The following PIK3R2 variants were observed in gnomAD, a reference collection of about 807,000 sequenced individuals.
PIK3R2 encodes phosphoinositide-3-kinase regulatory subunit 2, also known as phosphatidylinositol 3-kinase regulatory subunit beta.
In PIK3R2, 40 loss-of-function variants were observed where a neutral mutation model predicts 78.5. The observed-to-expected ratio is 0.51, with a 90% CI of 0.40 to 0.66. PIK3R2 has a LOEUF of 0.66. Ranked by LOEUF, PIK3R2 falls within the 30% of genes least tolerant of loss-of-function variation. PIK3R2 has a pLI of 0.00. For synonymous variants in PIK3R2, 473 were observed against 457.7 expected (o/e 1.03, Z -0.43); for missense variants, 880 against 1,026.6 (o/e 0.86, Z 1.95).
rs569880419 is a variant in PIK3R2 at position 18,156,490 on chromosome 19, A to G, written c.322+289A>G. 9.2e-4 allele frequency among the ~76,000 whole-genome samples: 140 copies of G among 152,290 alleles called. No homozygotes were observed. The highest frequency in any genetic ancestry group is 3.2e-3 in the African/African-American group (134 of 41,572). On this transcript the variant is annotated intron_variant, in intron 2 of 15. Transcript: ENST00000222254. This position sits in a 1 kb window ranked among gnomAD's most constrained non-coding sequence, Gnocchi z 4.2. Reference sequence around the variant, plus strand: ...GGTGGAAGCTCAAGGCAGTGGGGGCAGCGAGGGCAGAGGCTGTGGAGTAGA... The same window carrying G: ...GGTGGAAGCTCAAGGCAGTGGGGGCGGCGAGGGCAGAGGCTGTGGAGTAGA...
At position 18,169,510 on chromosome 19, in the gene PIK3R2, T is replaced by C; in HGVS notation, c.*216T>C. 2.9e-6 allele frequency: 1 copy of C among 340,998 alleles called. No individual in the cohort carries two copies. Among genetic ancestry groups the C allele is most frequent in the Non-Finnish European group, 5.3e-6 (1 of 187,946 alleles). The allele number at this position is 340,998 out of a possible 1,614,324, so 21.1% of individuals were successfully genotyped here. On this transcript the variant is annotated 3_prime_UTR_variant, in exon 16 of 16. Coordinates refer to ENST00000222254, the MANE Select transcript of PIK3R2 (RefSeq NM_005027.4). ...CCTTTTCTCTGTCTTTCTTGGCCCC[T>C]GTCTCTCTCCATGTTGGGGGTCCTA...
At position 18,156,567 on chromosome 19, in the gene PIK3R2, G is replaced by T. The variant is rs1047860849; in HGVS notation, c.322+366G>T. Among the ~76,000 whole-genome samples the T allele has an allele frequency of 1.3e-5, 2 of 152,160 alleles. No individual in the cohort carries two copies. The highest frequency in any genetic ancestry group is 2.9e-5 in the Non-Finnish European group (2 of 68,020). ...GAGGACCAGAGGGAGGAAGGGGAGGGCAATGTGCGCTGGCATGGAGGACTT... is the reference window on the plus strand; with the variant it reads ...GAGGACCAGAGGGAGGAAGGGGAGGTCAATGTGCGCTGGCATGGAGGACTT... On this transcript the variant is annotated intron_variant, in intron 2 of 15. Coordinates refer to ENST00000222254, the MANE Select transcript of PIK3R2 (RefSeq NM_005027.4). This position sits in a 1 kb window ranked among gnomAD's most constrained non-coding sequence, Gnocchi z 4.2.
chr19:18,156,237 G>C lies in PIK3R2; in HGVS notation c.322+36G>C, dbSNP rs1395882268. 3 of 1,421,780 alleles carry C rather than the reference G, an allele frequency of 2.1e-6. No homozygotes were observed. The highest frequency in any genetic ancestry group is 2.8e-6 in the Non-Finnish European group (3 of 1,077,200). 88.1% of individuals were successfully genotyped at this position (1,421,780 alleles called of 1,614,324 possible). A position where few individuals can be genotyped will look rare whatever the true frequency, so the allele number is the denominator to read the frequency against. On this transcript the variant is annotated intron_variant, in intron 2 of 15. Transcript: ENST00000222254. This position sits in a 1 kb window ranked among gnomAD's most constrained non-coding sequence, Gnocchi z 4.2. ...AGCAGGGGCCCTGGAAAGGGGGGTG[G>C]TCCCCTCAGACCCTTGGTCTCCTCT...
Position 18,168,857 on chromosome 19 carries a change from G to T in PIK3R2, c.1940G>T (p.Arg647Leu). The T allele has an allele frequency of 6.2e-7, 1 of 1,613,622 alleles. No individual in the cohort carries two copies. Among genetic ancestry groups the T allele is most frequent in the Non-Finnish European group, 8.5e-7 (1 of 1,179,814 alleles). The part of the protein sequence containing the change: ...SGKRDGTFLI[R>L]ESSQRGCYAC... ...AAGCGGGATGGCACCTTCCTCATCC[G>T]CGAGAGCAGCCAGCGGGGCTGCTAC... Residue 647 changes from arginine (R) to leucine (L), a missense_variant, in exon 15 of 16, where the codon CGC (arginine) becomes CTC (leucine). By Grantham distance (102) the Arg-to-Leu change is moderately radical. Around this residue, in one of 3 missense-constraint regions of PIK3R2, gnomAD observed 268 missense variants for 299.1 expected, o/e 0.90. Coordinates refer to ENST00000222254, the MANE Select transcript of PIK3R2 (RefSeq NM_005027.4). The surrounding 1 kb of genome is among the most constrained non-coding windows in gnomAD (Gnocchi z 4.1).
chr19:18,161,047 C>G lies in PIK3R2; in HGVS notation c.467-7C>G, dbSNP rs2043737332. The G allele has an allele frequency of 6.2e-7, 1 of 1,611,166 alleles. No individual in the cohort carries two copies. Among genetic ancestry groups the G allele is most frequent in the South Asian group, 1.1e-5 (1 of 90,642 alleles). ...TGAGTTGGACGTGTGCCCCCCTGCA[C>G]CCGCAGACTGGTCCCTGAGCGACGT... On this transcript the variant is annotated splice_region_variant and splice_polypyrimidine_tract_variant and intron_variant, in intron 4 of 15. Coordinates refer to ENST00000222254, the MANE Select transcript of PIK3R2 (RefSeq NM_005027.4). The surrounding 1 kb of genome is among the most constrained non-coding windows in gnomAD (Gnocchi z 5.3).
Position 18,163,337 on chromosome 19 carries a change from CAA to C in PIK3R2, c.1366_1367del (p.Lys456GlufsTer5). 6.2e-7 allele frequency: 1 copy of C among 1,614,060 alleles called. No individual in the cohort carries two copies. Among genetic ancestry groups the C allele is most frequent in the Non-Finnish European group, 8.5e-7 (1 of 1,179,988 alleles). On this transcript the variant is annotated frameshift_variant, in exon 11 of 16. Transcript: ENST00000222254. LOFTEE classifies it high-confidence loss of function. ...LKVYHQQYQD[K>X]SREYDQLYEE... Reference sequence around the variant, plus strand: ...AGGTCTATCACCAGCAGTACCAGGACAAGAGCCGCGAGTATGACCAGCTTTAT... The same window carrying C: ...AGGTCTATCACCAGCAGTACCAGGACGAGCCGCGAGTATGACCAGCTTTAT...
In PIK3R2 at chr19:18,156,027, T is replaced by C. The variant is rs1599961592; in HGVS notation, c.148T>C (p.Cys50Arg). The C allele has an allele frequency of 3.8e-6, 6 of 1,559,978 alleles. No homozygotes were observed. The highest frequency in any genetic ancestry group is 4.3e-6 in the Non-Finnish European group (5 of 1,152,496). The change falls in exon 2 of 16, where the codon TGC (cysteine) becomes CGC (arginine). Residue 50 changes from cysteine (C) to arginine (R), a missense_variant. By Grantham distance (180) the Cys-to-Arg change is radical. Around this residue, in one of 3 missense-constraint regions of PIK3R2, gnomAD observed 456 missense variants for 486.6 expected, o/e 0.94. Transcript: ENST00000222254. The surrounding 1 kb of genome is among the most constrained non-coding windows in gnomAD (Gnocchi z 4.2). ...GGGCGTGGCCGAGGGTGGCGAGCGCTGCCCACAGAGCGTGGGCTGGATGCC... is the reference window on the plus strand; with the variant it reads ...GGGCGTGGCCGAGGGTGGCGAGCGCCGCCCACAGAGCGTGGGCTGGATGCC... ...ALGVAEGGER[C>R]PQSVGWMPGL...
chr19:18,160,328 C>T lies in PIK3R2; in HGVS notation c.323-143C>T, dbSNP rs550201484. The T allele has an allele frequency of 8.4e-5, 54 of 639,648 alleles. No homozygotes were observed. The East Asian group carries it at 1.2e-3, about 15-fold the overall frequency. The allele number at this position is 639,648 out of a possible 1,614,324, so 39.6% of individuals were successfully genotyped here. Reference sequence around the variant, plus strand: ...CCACCCAAGGTCTTGCAGCCTCCTGCGGATGGGAGTCAAGGTGCCAAGCAC... The same window carrying T: ...CCACCCAAGGTCTTGCAGCCTCCTGTGGATGGGAGTCAAGGTGCCAAGCAC... On this transcript the variant is annotated intron_variant, in intron 2 of 15. Coordinates refer to ENST00000222254, the MANE Select transcript of PIK3R2 (RefSeq NM_005027.4).
In PIK3R2 at chr19:18,169,308, G is replaced by GC; in HGVS notation, c.*18dup. The GC allele has an allele frequency of 7.1e-7, 1 of 1,406,736 alleles. No individual in the cohort carries two copies. The allele number at this position is 1,406,736 out of a possible 1,614,324, so 87.1% of individuals were successfully genotyped here. Reference sequence around the variant, plus strand: ...GCCGCCCGCTGAGCACCGAGGACCCGCCCCAAGCAGAGCCGCCCCTGGGCC... The same window carrying GC: ...GCCGCCCGCTGAGCACCGAGGACCCGCCCCCAAGCAGAGCCGCCCCTGGGCC... On this transcript the variant is annotated 3_prime_UTR_variant, in exon 16 of 16. Transcript: ENST00000222254.
intron 2 of PIK3R2, among the ~76,000 whole-genome samples, chr19:18,160,238 T>G (rs1277356815): frequency 6.6e-6 from 1 of 152,224 alleles, no homozygotes; most frequent in Non-Finnish European, 1.5e-5. Flanking sequence ...TGTGAAGTTG[T>G]GTGAACTCCT....
chr19:18,158,522 A>AAAC (rs1555813837), intron 2 of PIK3R2, among the ~76,000 whole-genome samples: 96 of 150,456 alleles, frequency 6.4e-4, no homozygotes, highest in African/African-American at 2.2e-3. Context: ...ACAACAAAAA[A>AAAC]CGAGGAGGCC....
intron 12 of PIK3R2, among the ~76,000 whole-genome samples, chr19:18,166,874 C>T (rs945230968): frequency 6.6e-6 from 1 of 152,044 alleles, no homozygotes; most frequent in African/African-American, 2.4e-5. Context: ...GTGGCTCATT[C>T]CTGCAACCCC....
At position 18,169,352 on chromosome 19, in the gene PIK3R2, C is replaced by T. The variant is rs2147961162; in HGVS notation, c.*58C>T. 3.7e-6 allele frequency: 4 copies of T among 1,080,352 alleles called. No individual in the cohort carries two copies. The highest frequency in any genetic ancestry group is 7.2e-5 in the East Asian group (2 of 27,682). The allele number at this position is 1,080,352 out of a possible 1,614,324, so 66.9% of individuals were successfully genotyped here. On this transcript the variant is annotated 3_prime_UTR_variant, in exon 16 of 16. Transcript: ENST00000222254. ...CTGGGCCCGTCTGCGCCGGAGGCTGCGGCGGCGGGAGCCACGGACCAGACC... is the reference window on the plus strand; with the variant it reads ...CTGGGCCCGTCTGCGCCGGAGGCTGTGGCGGCGGGAGCCACGGACCAGACC...
chr19:18,161,409 C>T lies in PIK3R2; in HGVS notation c.729C>T (p.Val243=). 8.2e-7 allele frequency: 1 copy of T among 1,215,350 alleles called. No individual in the cohort carries two copies. Among genetic ancestry groups the T allele is most frequent in the Non-Finnish European group, 1.0e-6 (1 of 979,150 alleles). 75.3% of individuals were successfully genotyped at this position (1,215,350 alleles called of 1,614,324 possible). Residue 243 remains valine, a synonymous_variant, in exon 6 of 16, where the codon GTC becomes GTT. Transcript: ENST00000222254. The surrounding 1 kb of genome is among the most constrained non-coding windows in gnomAD (Gnocchi z 5.3). ...GCGCCCCGGCCCTGGGTCCCGCGGT[C>T]CGGGCCCTGGGCGCCACCTTTGGGC... is the stretch of plus-strand genomic sequence containing the variant. ...ASRAPALGPA[V]RALGATFGPL...
chr19:18,154,227 G>A (rs1046287619), intron 1 of PIK3R2, among the ~76,000 whole-genome samples: 1 of 152,076 alleles, frequency 6.6e-6, no homozygotes, highest in Non-Finnish European at 1.5e-5. Flanking sequence ...TGAACCCGCA[G>A]GGCTAGGCTG....
Position 18,161,903 on chromosome 19 carries a change from C to T in PIK3R2, c.816-63C>T, listed in dbSNP as rs2147951361. 2 of 1,358,170 alleles carry T rather than the reference C, an allele frequency of 1.5e-6. No individual in the cohort carries two copies. Among genetic ancestry groups the T allele is most frequent in the Non-Finnish European group, 2.1e-6 (2 of 947,886 alleles). The allele number at this position is 1,358,170 out of a possible 1,614,324, so 84.1% of individuals were successfully genotyped here. The stretch of plus-strand genomic sequence containing the variant: ...CAGGCGTGCAAGCGCACGCACAATC[C>T]TGTGCACATGCGTGGGCGGACAGGC... On this transcript the variant is annotated intron_variant, in intron 6 of 15. Transcript: ENST00000222254. This position sits in a 1 kb window ranked among gnomAD's most constrained non-coding sequence, Gnocchi z 5.3.
rs2147945465 is a variant in PIK3R2 at position 18,156,189 on chromosome 19, GC to G, written c.314del (p.Pro105LeufsTer25). ...RPLPARPRDG[A>X]PEPGLTLPDL... ...ACTGCCCGCCAGGCCCCGTGATGGG[GC>G]CCCTGAGCCAGGTGAGCAGCAAGCA... On this transcript the variant is annotated frameshift_variant, in exon 2 of 16. Coordinates refer to ENST00000222254, the MANE Select transcript of PIK3R2 (RefSeq NM_005027.4). LOFTEE classifies it high-confidence loss of function. This position sits in a 1 kb window ranked among gnomAD's most constrained non-coding sequence, Gnocchi z 4.2. The G allele has an allele frequency of 1.4e-6, 2 of 1,461,360 alleles. No individual in the cohort carries two copies. Among genetic ancestry groups the G allele is most frequent in the Admixed American group, 2.8e-5 (1 of 36,034 alleles). 90.5% of individuals were successfully genotyped at this position (1,461,360 alleles called of 1,614,324 possible).
intron 2 of PIK3R2, among the ~76,000 whole-genome samples, chr19:18,158,600 C>T (rs560113425): frequency 2.0e-5 from 3 of 151,494 alleles, no homozygotes; most frequent in African/African-American, 7.3e-5. Context: ...CCACTGCACT[C>T]CAACCTGGGT....
Position 18,167,037 on chromosome 19 carries a change from G to T in PIK3R2, c.1560-93G>T. ...TGTGGTCCCAGCTACTCGGGAGGCT[G>T]AGGTAGGAGGGTCACCTGAGCCCAG... On this transcript the variant is annotated intron_variant, in intron 12 of 15. Coordinates refer to ENST00000222254, the MANE Select transcript of PIK3R2 (RefSeq NM_005027.4). This position sits in a 1 kb window ranked among gnomAD's most constrained non-coding sequence, Gnocchi z 4.5. 1 of 1,072,534 alleles carries T rather than the reference G, an allele frequency of 9.3e-7. No homozygotes were observed. The highest frequency in any genetic ancestry group is 1.6e-5 in the African/African-American group (1 of 60,616). The allele number at this position is 1,072,534 out of a possible 1,614,324, so 66.4% of individuals were successfully genotyped here. A position where few individuals can be genotyped will look rare whatever the true frequency, so the allele number is the denominator to read the frequency against.
Sources: allele counts gnomAD v4.1 joint callset (sites outside exome capture counted in the v4.1 genomes callset), GRCh38; gene constraint gnomAD v4.1.1; regional missense constraint gnomAD v4.1.1; non-coding constraint Gnocchi (gnomAD v3.1); transcripts MANE v1.5; gene names NCBI Gene and HGNC (gene_info 2026-07-23, HGNC 2026-07-21).